Variants in ABCC4 observed in about 807,000 individuals in gnomAD.
ABCC4 encodes the protein ATP-binding cassette sub-family C member 4.
A neutral mutation model predicts 168.5 loss-of-function variants in ABCC4; 102 were observed. That is an observed-to-expected ratio of 0.61 (90% CI 0.52 to 0.71). The LOEUF is 0.71. Ranked by LOEUF, ABCC4 falls within the 30% of genes least tolerant of loss-of-function variation. The pLI is 0.00. For synonymous variants in ABCC4, 617 were observed against 590.7 expected, an observed-to-expected ratio of 1.04 and a Z score of -0.65; for missense variants, 1,402 against 1,605.8, an observed-to-expected ratio of 0.87 and a Z score of 2.17.
chr13:95,064,927 C>T (rs998811235), intron 25 of ABCC4, among the ~76,000 whole-genome samples: 3 of 152,166 alleles, frequency 2.0e-5, no homozygotes, highest in African/African-American at 4.8e-5. Context: ...ATTCATAACA[C>T]GAAAGAGACA....
At chr13:95,230,556 C>T (rs982774004) in intron 4 of ABCC4, among the ~76,000 whole-genome samples, 3 of 152,180 alleles carry the variant, frequency 2.0e-5, no homozygotes, top group East Asian at 1.9e-4. Flanking sequence ...GTGAGCAGAT[C>T]GCGAGGTCAG....
At chr13:95,168,232 C>T (rs1299563797) in intron 14 of ABCC4, among the ~76,000 whole-genome samples, 2 of 152,190 alleles carry the variant, frequency 1.3e-5, no homozygotes, top group African/African-American at 4.8e-5. Flanking sequence ...AATGTACCAG[C>T]ATTCAGGTTT....
intron 26 of ABCC4, among the ~76,000 whole-genome samples, chr13:95,060,139 G>A (rs535797694): frequency 1.3e-5 from 2 of 152,154 alleles, no homozygotes; most frequent in African/African-American, 2.4e-5. Flanking sequence ...TTGAGCCTTG[G>A]AGACAAAGCC....
At position 95,244,596 on chromosome 13, in the gene ABCC4, T is replaced by TGAAAGAAAGAAAGAAAGAAAAA. The variant is rs1555336350; in HGVS notation, c.306+2378_306+2379insTTTTTCTTTCTTTCTTTCTTTC. Among the ~76,000 whole-genome samples, 325 of 34,986 alleles carry TGAAAGAAAGAAAGAAAGAAAAA rather than the reference T, an allele frequency of 9.3e-3. 45 individuals carry two copies. Among genetic ancestry groups the TGAAAGAAAGAAAGAAAGAAAAA allele is most frequent in the African/African-American group, 0.052 (299 of 5,784 alleles). The allele number at this position is 34,986 out of a possible 152,430, so 23.0% of individuals were successfully genotyped here. On this transcript the variant is annotated intron_variant, in intron 3 of 30. Transcript: ENST00000645237. ...AAAAACAAAATAAAATAAAATAACA[T>TGAAAGAAAGAAAGAAAGAAAAA]GAAAGAAAGAAAGAAAGAAAGAAAG...
chr13:95,210,322 TAAAA>T (rs1022835269), intron 5 of ABCC4, among the ~76,000 whole-genome samples: 18 of 152,220 alleles, frequency 1.2e-4, no homozygotes, highest in African/African-American at 4.3e-4. Context: ...CTACAAATAA[TAAAA>T]AAAGAAATTA....
intron 19 of ABCC4, among the ~76,000 whole-genome samples, chr13:95,126,079 C>T (rs2139437090): frequency 6.6e-6 from 1 of 152,328 alleles, no homozygotes; most frequent in Admixed American, 6.5e-5. Flanking sequence ...GACAGCAGAG[C>T]TCTCATTAAG....
intron 4 of ABCC4, among the ~76,000 whole-genome samples, chr13:95,228,742 C>T (rs757244550): frequency 7.5e-5 from 11 of 147,046 alleles, no homozygotes; most frequent in African/African-American, 2.8e-4. Flanking sequence ...CTAGCCTGGG[C>T]GACAGAGCAA....
chr13:95,073,926 A>G (rs573440733), intron 23 of ABCC4, among the ~76,000 whole-genome samples: 1 of 152,300 alleles, frequency 6.6e-6, no homozygotes, highest in Non-Finnish European at 1.5e-5. Flanking sequence ...CTTCAGAATA[A>G]ATTGGTTTTC....
At chr13:95,196,969 A>T (rs2038474481) in intron 8 of ABCC4, among the ~76,000 whole-genome samples, 1 of 151,948 alleles carries the variant, frequency 6.6e-6, no homozygotes, top group Admixed American at 6.6e-5. Context: ...TGACAGTCAC[A>T]CTCCCAAAGT....
chr13:95,273,131 T>C (rs1319535534), intron 1 of ABCC4, among the ~76,000 whole-genome samples: 1 of 152,180 alleles, frequency 6.6e-6, no homozygotes, highest in Non-Finnish European at 1.5e-5. Flanking sequence ...CAAAGAGCAA[T>C]TTATGAAGAA....
intron 20 of ABCC4, among the ~76,000 whole-genome samples, chr13:95,105,216 T>C (rs1189774871): frequency 6.6e-6 from 1 of 152,044 alleles, no homozygotes; most frequent in Non-Finnish European, 1.5e-5. Context: ...TTCGTGCTCC[T>C]ATGAGAATCT....
chr13:95,059,721 A>C (rs1372809411), intron 26 of ABCC4, among the ~76,000 whole-genome samples: 3 of 152,228 alleles, frequency 2.0e-5, no homozygotes, highest in Non-Finnish European at 4.4e-5. Flanking sequence ...GGATCACAAA[A>C]ATAGAAACAG....
At chr13:95,164,073 AG>A (rs1446718820) in intron 16 of ABCC4, among the ~76,000 whole-genome samples, 1 of 148,020 alleles carries the variant, frequency 6.8e-6, no homozygotes. Flanking sequence ...AAAGAAAGAA[AG>A]AAAGAATAAA....
At chr13:95,237,044 T>G (rs1434129657) in intron 3 of ABCC4, among the ~76,000 whole-genome samples, 1 of 152,078 alleles carries the variant, frequency 6.6e-6, no homozygotes, top group Admixed American at 6.6e-5. Flanking sequence ...TCCCTGGGAG[T>G]CACTGTTACC....
intron 1 of ABCC4, among the ~76,000 whole-genome samples, chr13:95,278,522 C>T (rs367544622): frequency 6.6e-6 from 1 of 152,074 alleles, no homozygotes; most frequent in Non-Finnish European, 1.5e-5. Context: ...AGGCAAGGGG[C>T]GGTGGCTCAC....
At position 95,163,489 on chromosome 13, in the gene ABCC4, G is replaced by A. The variant is rs749492112; in HGVS notation, c.2213+121C>T. ...CCAGCAAGCACTCTAATTTTTCTTC[G>A]GGTAAACGAAGTGAGGATTAGAAGA... On this transcript the variant is annotated intron_variant, in intron 17 of 30. Coordinates refer to ENST00000645237, the MANE Select transcript of ABCC4 (RefSeq NM_005845.5). 1.4e-4 allele frequency: 138 copies of A among 966,018 alleles called. No homozygotes were observed. The Middle Eastern group carries it at 2.0e-3, about 14-fold the overall frequency. 59.8% of individuals were successfully genotyped at this position (966,018 alleles called of 1,614,324 possible).
intron 4 of ABCC4, among the ~76,000 whole-genome samples, chr13:95,227,111 C>T (rs1466442353): frequency 2.0e-5 from 3 of 152,178 alleles, no homozygotes; most frequent in South Asian, 2.1e-4. Context: ...TTCCAGTTTG[C>T]ACCCACACCC....
At chr13:95,230,996 T>C (rs1262246759) in intron 4 of ABCC4, among the ~76,000 whole-genome samples, 1 of 152,218 alleles carries the variant, frequency 6.6e-6, no homozygotes, top group Non-Finnish European at 1.5e-5. Flanking sequence ...AGATAATCCC[T>C]GAAGACCTTA....
intron 29 of ABCC4, among the ~76,000 whole-genome samples, chr13:95,043,126 G>A (rs2032430877): frequency 6.6e-6 from 1 of 152,112 alleles, no homozygotes; most frequent in Non-Finnish European, 1.5e-5. Context: ...CAATTCTTAT[G>A]TAACAAATTT....
Sources: gnomAD v4.1 joint callset for allele counts (sites outside exome capture counted in the v4.1 genomes callset) on GRCh38, gnomAD v4.1.1 for gene constraint, MANE v1.5 for transcripts, NCBI Gene and HGNC (gene_info 2026-07-23, HGNC 2026-07-21) for gene names.